ZHX2: variants seen among roughly 807,000 people sequenced by gnomAD.
ZHX2 encodes the protein zinc fingers and homeoboxes 2, also known as zinc fingers and homeoboxes protein 2.
Under a neutral mutation model 21.9 loss-of-function variants are expected in ZHX2, and 6 were observed. That is an observed-to-expected ratio of 0.27 (90% CI 0.15 to 0.54). The LOEUF (loss-of-function observed/expected upper bound fraction) is 0.54, where lower values mean the gene tolerates loss of function less well. Ranked by LOEUF, ZHX2 falls within the 20% of genes least tolerant of loss-of-function variation. The probability of loss-of-function intolerance (pLI) is 0.95; values close to 1 mark genes in which losing one functional copy is unlikely to be tolerated. For synonymous variants in ZHX2, 434 were observed against 437.1 expected (o/e 0.99, Z 0.09); for missense variants, 908 against 1,090.7 (o/e 0.83, Z 2.36).
intron 2 of ZHX2, among the ~76,000 whole-genome samples, chr8:122,923,023 C>A (rs1014521523): frequency 2.0e-5 from 3 of 152,216 alleles, no homozygotes; most frequent in Non-Finnish European, 1.5e-5. Flanking sequence ...CCACCTCAAC[C>A]TGAGACCTTC....
chr8:122,939,186 G>T (rs1056410101), intron 2 of ZHX2, among the ~76,000 whole-genome samples: 1 of 152,196 alleles, frequency 6.6e-6, no homozygotes, highest in Non-Finnish European at 1.5e-5. Context: ...GCCCTTTGAT[G>T]TGGCTACCAT....
At chr8:122,821,198 A>G (rs1818138823) in intron 1 of ZHX2, among the ~76,000 whole-genome samples, 1 of 152,076 alleles carries the variant, frequency 6.6e-6, no homozygotes, top group African/African-American at 2.4e-5. Flanking sequence ...GTGTCCTTGG[A>G]TCTGCTGGCA....
chr8:122,821,814 C>T (rs1818158998), intron 1 of ZHX2, among the ~76,000 whole-genome samples: 1 of 152,164 alleles, frequency 6.6e-6, no homozygotes, highest in Non-Finnish European at 1.5e-5. Context: ...AAGTGATTCT[C>T]ATGCCTCAGC....
At chr8:122,871,562 A>G (rs1819437844) in intron 2 of ZHX2, among the ~76,000 whole-genome samples, 1 of 150,130 alleles carries the variant, frequency 6.7e-6, no homozygotes, top group South Asian at 2.1e-4. Flanking sequence ...TAGCATTAGG[A>G]GATATACCTA....
chr8:122,966,896 T>A (rs889587026), intron 3 of ZHX2, among the ~76,000 whole-genome samples: 6 of 152,254 alleles, frequency 3.9e-5, no homozygotes, highest in African/African-American at 1.2e-4. Context: ...TCAAAAGCCT[T>A]GTCTTCAAGC....
intron 2 of ZHX2, among the ~76,000 whole-genome samples, chr8:122,932,925 AT>A (rs541320570): frequency 3.5e-4 from 53 of 152,220 alleles, no homozygotes; most frequent in Non-Finnish European, 6.6e-4. Flanking sequence ...TTTGTCTGGG[AT>A]TTAACTGGCT....
At chr8:122,954,248 A>G (rs915497090) in intron 3 of ZHX2, among the ~76,000 whole-genome samples, 1 of 152,192 alleles carries the variant, frequency 6.6e-6, no homozygotes, top group Non-Finnish European at 1.5e-5. Flanking sequence ...TGATTCCCGT[A>G]TGCATTACCT....
At chr8:122,865,762 G>T in intron 2 of ZHX2, among the ~76,000 whole-genome samples, 1 of 152,178 alleles carries the variant, frequency 6.6e-6, no homozygotes, top group Non-Finnish European at 1.5e-5. Flanking sequence ...TCTTATTCTG[G>T]ATGTGAGACA....
intron 1 of ZHX2, among the ~76,000 whole-genome samples, chr8:122,806,699 T>G (rs1817832012): frequency 6.6e-6 from 1 of 152,018 alleles, no homozygotes; most frequent in Non-Finnish European, 1.5e-5. Context: ...TCAAGTGAGG[T>G]GTAGTTGTAG....
At chr8:122,905,848 C>A (rs377557579) in intron 2 of ZHX2, among the ~76,000 whole-genome samples, 2 of 152,158 alleles carry the variant, frequency 1.3e-5, no homozygotes, top group Admixed American at 6.5e-5. Context: ...GCAAAAACTG[C>A]GATTGCTTTT....
intron 1 of ZHX2, among the ~76,000 whole-genome samples, chr8:122,829,743 C>A (rs1246757482): frequency 6.6e-6 from 1 of 152,156 alleles, no homozygotes. Flanking sequence ...TTTCAGAGTG[C>A]CAAAAGGATA....
chr8:122,873,463 A>C (rs577830072), intron 2 of ZHX2, among the ~76,000 whole-genome samples: 1 of 152,058 alleles, frequency 6.6e-6, no homozygotes, highest in African/African-American at 2.4e-5. Context: ...GCCTGTCCGT[A>C]CTTGGCCCCT....
chr8:122,862,195 C>A (rs1819184362), intron 1 of ZHX2, among the ~76,000 whole-genome samples: 1 of 152,146 alleles, frequency 6.6e-6, no homozygotes, highest in Admixed American at 6.5e-5. Context: ...TGGCTAGGAC[C>A]CCTCCCTCAG....
At chr8:122,865,157 C>G (rs1819259083) in intron 2 of ZHX2, among the ~76,000 whole-genome samples, 1 of 149,128 alleles carries the variant, frequency 6.7e-6, no homozygotes, top group Non-Finnish European at 1.5e-5. Context: ...GAGACAGAGT[C>G]TCACTCTGTC....
chr8:122,872,324 C>T (rs981859479), intron 2 of ZHX2, among the ~76,000 whole-genome samples: 3 of 152,180 alleles, frequency 2.0e-5, no homozygotes, highest in Non-Finnish European at 2.9e-5. Flanking sequence ...ATGTGCCACT[C>T]GTATGAAATT....
chr8:122,797,114 G>A (rs1333748581), intron 1 of ZHX2, among the ~76,000 whole-genome samples: 1 of 152,178 alleles, frequency 6.6e-6, no homozygotes, highest in Non-Finnish European at 1.5e-5. Context: ...AATCAGGTTA[G>A]GCTAAGCTAT....
At chr8:122,923,153 GCACAGCAAAC>G (rs1288393205) in intron 2 of ZHX2, among the ~76,000 whole-genome samples, 1 of 152,240 alleles carries the variant, frequency 6.6e-6, no homozygotes, top group Non-Finnish European at 1.5e-5. Flanking sequence ...AACTATTGCT[GCACAGCAAAC>G]CACAGCAAAA....
rs76529562 is a variant in ZHX2, at chr8:122,916,289, G to A, written c.-219-35003G>A. ...GCATCCCTGCTGGGCAGGGTGACCC[G>A]GCCTGCACATCTTCCAGCCGCATCC... On this transcript the variant is annotated intron_variant, in intron 2 of 3. Transcript: ENST00000314393. Among the ~76,000 whole-genome samples the A allele has an allele frequency of 3.8e-3, 572 of 152,248 alleles. 3 individuals carry two copies. Among genetic ancestry groups the A allele is most frequent in the Non-Finnish European group, 6.0e-3 (410 of 68,010 alleles).
intron 3 of ZHX2, among the ~76,000 whole-genome samples, chr8:122,956,646 TAG>T (rs1260445843): frequency 3.3e-5 from 5 of 152,020 alleles, no homozygotes; most frequent in Non-Finnish European, 7.4e-5. Flanking sequence ...AGCCAAAAGG[TAG>T]AGTTTGGGTT....
Sources: gnomAD v4.1 joint callset for allele counts (sites outside exome capture counted in the v4.1 genomes callset) on GRCh38, gnomAD v4.1.1 for gene constraint, MANE v1.5 for transcripts, NCBI Gene and HGNC (gene_info 2026-07-23, HGNC 2026-07-21) for gene names.